Variants in PLEKHA5 observed in about 807,000 individuals in gnomAD.
The protein encoded by PLEKHA5 is pleckstrin homology domain containing A5.
Under a neutral mutation model 181.9 loss-of-function variants are expected in PLEKHA5, and 55 were observed. The observed-to-expected ratio is 0.30, with a 90% confidence interval of 0.24 to 0.38. The LOEUF is 0.38. PLEKHA5 is among the 10% of genes least tolerant of loss of function. The pLI is 1.00. For synonymous variants in PLEKHA5, 535 were observed against 529.4 expected (o/e 1.01, Z -0.15); for missense variants, 1,432 against 1,549.5 (o/e 0.92, Z 1.27).
At position 19,353,997 on chromosome 12, in the gene PLEKHA5, A is replaced by C. The variant is rs1555170994; in HGVS notation, c.3133A>C (p.Arg1045=). The C allele has an allele frequency of 6.9e-7, 1 of 1,445,214 alleles. No homozygotes were observed. The highest frequency in any genetic ancestry group is 9.7e-7 in the Non-Finnish European group (1 of 1,027,654). The allele number at this position is 1,445,214 out of a possible 1,614,324, so 89.5% of individuals were successfully genotyped here. Reference sequence around the variant, plus strand: ...GAAAACTAAGAAGATGATGGATCTAAGAACGGTATTTAACTGGAAATTAAT... The same window carrying C: ...GAAAACTAAGAAGATGATGGATCTACGAACGGTATTTAACTGGAAATTAAT... The part of the protein sequence containing the change: ...LRKTKKMMDL[R]TERPRSAVEQ... Residue 1045 remains arginine, a synonymous_variant, in exon 26 of 32, where the codon AGA becomes CGA. Transcript: ENST00000429027.
intron 18 of PLEKHA5, chr12:19,321,539 A>AT (rs3983603): frequency 0.097 from 13,167 of 136,258 alleles, 708 homozygotes; most frequent in Middle Eastern, 0.19. Context: ...AACTTTTTGT[A>AT]TTTTTTTTTT....
intron 20 of PLEKHA5, among the ~76,000 whole-genome samples, chr12:19,335,489 C>T (rs2093347559): frequency 6.6e-6 from 1 of 150,972 alleles, no homozygotes; most frequent in Non-Finnish European, 1.5e-5. Context: ...AATCTCGGCT[C>T]ACTGCAACCT....
intron 15 of PLEKHA5, among the ~76,000 whole-genome samples, chr12:19,304,824 A>T (rs2082687607): frequency 6.6e-6 from 1 of 151,546 alleles, no homozygotes; most frequent in African/African-American, 2.4e-5. Context: ...GCTGGATGTG[A>T]TGCCTCATGC....
chr12:19,135,275 G>C (rs2035272178), intron 3 of PLEKHA5, among the ~76,000 whole-genome samples: 1 of 152,128 alleles, frequency 6.6e-6, no homozygotes, highest in Non-Finnish European at 1.5e-5. Flanking sequence ...CATCTCTGTA[G>C]GTGGTAAGAG....
intron 15 of PLEKHA5, among the ~76,000 whole-genome samples, chr12:19,309,686 A>G (rs891343442): frequency 1.7e-4 from 26 of 152,142 alleles, no homozygotes; most frequent in African/African-American, 5.3e-4. Context: ...TGGAGGTTGC[A>G]GTGAGCCTAG....
intron 11 of PLEKHA5, among the ~76,000 whole-genome samples, chr12:19,282,433 A>G (rs2076379745): frequency 6.6e-6 from 1 of 152,188 alleles, no homozygotes; most frequent in African/African-American, 2.4e-5. Flanking sequence ...TCAAGTTAGG[A>G]AAAGCTATGA....
chr12:19,303,997 G>C (rs1015232885), intron 15 of PLEKHA5, among the ~76,000 whole-genome samples: 1 of 151,572 alleles, frequency 6.6e-6, no homozygotes, highest in East Asian at 2.0e-4. Context: ...TTGTAGAGGG[G>C]GGGGTTTCAC....
intron 11 of PLEKHA5, among the ~76,000 whole-genome samples, chr12:19,281,297 T>G (rs2076078179): frequency 6.6e-6 from 1 of 151,272 alleles, no homozygotes; most frequent in East Asian, 1.9e-4. Context: ...CTAAAGGAAA[T>G]GGAGGCCAGG....
chr12:19,348,157 A>G (rs1282418776), intron 24 of PLEKHA5, among the ~76,000 whole-genome samples: 1 of 152,160 alleles, frequency 6.6e-6, no homozygotes, highest in Non-Finnish European at 1.5e-5. Context: ...TGCTGAGATT[A>G]CAGGTGTGAG....
chr12:19,286,267 C>G (rs886967377), intron 12 of PLEKHA5, among the ~76,000 whole-genome samples: 2 of 152,130 alleles, frequency 1.3e-5, no homozygotes, highest in Non-Finnish European at 2.9e-5. Flanking sequence ...TCACAAGATT[C>G]ATTTAAAGTA....
At chr12:19,253,070 T>A in intron 3 of PLEKHA5, among the ~76,000 whole-genome samples, 1 of 100,980 alleles carries the variant, frequency 9.9e-6, no homozygotes, top group South Asian at 4.7e-4. Context: ...TTACCTTTTT[T>A]TTTTTTTTTT....
At chr12:19,290,824 C>T (rs1187026471) in intron 14 of PLEKHA5, 28 bp downstream of exon 14, 6 of 1,507,446 alleles carry the variant, frequency 4.0e-6, no homozygotes, top group Admixed American at 2.1e-5. Context: ...TTGTCTGTGT[C>T]GTCTGCCATC....
chr12:19,369,635 C>A, intron 30 of PLEKHA5, 58 bp from the exon 31 acceptor site: 1 of 1,026,212 alleles, frequency 9.7e-7, no homozygotes. Flanking sequence ...TCAGGATTTA[C>A]TTCTCCAAAT....
chr12:19,185,796 A>G (rs149080235), intron 3 of PLEKHA5, among the ~76,000 whole-genome samples: 1 of 152,350 alleles, frequency 6.6e-6, no homozygotes, highest in Admixed American at 6.5e-5. Flanking sequence ...AACAAAAAGT[A>G]ATGAAGATCA....
At chr12:19,211,502 C>A (rs965957612) in intron 3 of PLEKHA5, among the ~76,000 whole-genome samples, 1 of 152,060 alleles carries the variant, frequency 6.6e-6, no homozygotes, top group Non-Finnish European at 1.5e-5. Context: ...AAGAGGCGAC[C>A]ATGAACTTAT....
At chr12:19,326,373 G>C (rs770847833) in intron 20 of PLEKHA5, among the ~76,000 whole-genome samples, 6 of 152,090 alleles carry the variant, frequency 3.9e-5, no homozygotes, top group Non-Finnish European at 8.8e-5. Context: ...GAATCTCAAA[G>C]GATTTCACTG....
At chr12:19,182,568 C>T (rs544547888) in intron 3 of PLEKHA5, among the ~76,000 whole-genome samples, 8 of 152,256 alleles carry the variant, frequency 5.3e-5, no homozygotes, top group East Asian at 1.9e-4. Flanking sequence ...AATAGCAAGA[C>T]GAAGTAGCAT....
chr12:19,232,277 G>A (rs1400564223), intron 3 of PLEKHA5, among the ~76,000 whole-genome samples: 3 of 152,076 alleles, frequency 2.0e-5, no homozygotes, highest in Non-Finnish European at 4.4e-5. Flanking sequence ...ATGTAGTACT[G>A]GAACTACCTG....
chr12:19,198,706 A>T (rs2053522643), intron 3 of PLEKHA5, among the ~76,000 whole-genome samples: 1 of 152,114 alleles, frequency 6.6e-6, no homozygotes, highest in South Asian at 2.1e-4. Flanking sequence ...CAAATTTTTA[A>T]TACTTAAGAT....
Sources: allele counts gnomAD v4.1 joint callset (sites outside exome capture counted in the v4.1 genomes callset), GRCh38; gene constraint gnomAD v4.1.1; transcripts MANE v1.5; gene names NCBI Gene and HGNC (gene_info 2026-07-23, HGNC 2026-07-21).